PKNOX2: variants seen among roughly 807,000 people sequenced by gnomAD.
PKNOX2 encodes the protein homeobox protein PKNOX2.
Under a neutral mutation model 53.1 loss-of-function variants are expected in PKNOX2, and 14 were observed. The observed-to-expected ratio is 0.26, with a 90% CI of 0.17 to 0.41. PKNOX2 has a LOEUF of 0.41. Among genes scored for constraint, PKNOX2 ranks in the 10% least tolerant of loss-of-function variants. PKNOX2 has a pLI of 1.00. For synonymous variants in PKNOX2, 257 were observed against 242.8 expected (o/e 1.06, Z -0.54); for missense variants, 496 against 602.8 (o/e 0.82, Z 1.85).
At position 125,431,573 on chromosome 11, in the gene PKNOX2, CA is replaced by C; in HGVS notation, c.*183del. The C allele has an allele frequency of 1.4e-6, 1 of 693,688 alleles. No individual in the cohort carries two copies. The highest frequency in any genetic ancestry group is 3.0e-5 in the Admixed American group (1 of 33,696). 43.0% of individuals were successfully genotyped at this position (693,688 alleles called of 1,614,324 possible). On this transcript the variant is annotated 3_prime_UTR_variant, in exon 13 of 13. Coordinates refer to ENST00000298282, the MANE Select transcript of PKNOX2 (RefSeq NM_001382323.2). Reference sequence around the variant, plus strand: ...CTGTTCCTTCCCAACCACCGAGCTTCAATGAGGACCCCAGCCCCACTTCCCT... The same window carrying C: ...CTGTTCCTTCCCAACCACCGAGCTTCATGAGGACCCCAGCCCCACTTCCCT...
At chr11:125,409,199 T>C (rs1412985787) in intron 7 of PKNOX2, among the ~76,000 whole-genome samples, 1 of 151,982 alleles carries the variant, frequency 6.6e-6, no homozygotes, top group Non-Finnish European at 1.5e-5. Context: ...CCTCACAAAT[T>C]CTCTCCAAGC....
At chr11:125,351,135 G>C in intron 3 of PKNOX2, 149 bp from the exon 4 acceptor site, 1 of 668,854 alleles carries the variant, frequency 1.5e-6, no homozygotes. Flanking sequence ...CTCTTCCTTA[G>C]CTCTCATTTG....
intron 1 of PKNOX2, among the ~76,000 whole-genome samples, chr11:125,183,806 T>C (rs917223589): frequency 3.5e-4 from 53 of 152,188 alleles, no homozygotes; most frequent in Admixed American, 3.5e-3. Context: ...GCTGAGGGCA[T>C]CAGCAGATTT....
At chr11:125,198,890 G>T (rs184100645) in intron 1 of PKNOX2, among the ~76,000 whole-genome samples, 146 of 149,930 alleles carry the variant, frequency 9.7e-4, no homozygotes, top group African/African-American at 3.4e-3. Context: ...TCCTAGGCTG[G>T]AGTGTGGTGG....
At chr11:125,394,618 A>G (rs1157506852) in intron 6 of PKNOX2, among the ~76,000 whole-genome samples, 3 of 152,210 alleles carry the variant, frequency 2.0e-5, no homozygotes, top group Non-Finnish European at 4.4e-5. Context: ...CACACCTCAC[A>G]GTCACAATTC....
At chr11:125,308,522 C>T (rs1280635762) in intron 2 of PKNOX2, among the ~76,000 whole-genome samples, 2 of 152,318 alleles carry the variant, frequency 1.3e-5, no homozygotes, top group Middle Eastern at 3.4e-3. Context: ...AGCAGCTCCC[C>T]GGAATGCAGG....
At chr11:125,229,749 A>G (rs1050778444) in intron 1 of PKNOX2, among the ~76,000 whole-genome samples, 6 of 152,108 alleles carry the variant, frequency 3.9e-5, no homozygotes, top group Admixed American at 2.0e-4. Context: ...TTGGTGTTTT[A>G]GCACTACAGA....
At chr11:125,316,770 G>T (rs922596919) in intron 2 of PKNOX2, among the ~76,000 whole-genome samples, 27 of 152,218 alleles carry the variant, frequency 1.8e-4, no homozygotes, top group African/African-American at 6.0e-4. Context: ...TTGCCTCAGT[G>T]TTGATGGCTG....
At chr11:125,185,040 A>G (rs1956364541) in intron 1 of PKNOX2, among the ~76,000 whole-genome samples, 1 of 152,180 alleles carries the variant, frequency 6.6e-6, no homozygotes, top group Admixed American at 6.5e-5. Context: ...CACATAATAG[A>G]TGCTCAATAA....
intron 1 of PKNOX2, among the ~76,000 whole-genome samples, chr11:125,230,091 G>C (rs953953834): frequency 6.6e-6 from 1 of 152,224 alleles, no homozygotes; most frequent in East Asian, 1.9e-4. Context: ...GGGTGTCACA[G>C]AGGAAGCCTT....
chr11:125,257,679 A>G (rs1207232725), intron 2 of PKNOX2, among the ~76,000 whole-genome samples: 1 of 152,228 alleles, frequency 6.6e-6, no homozygotes, highest in Non-Finnish European at 1.5e-5. Flanking sequence ...GTTTTAGAAC[A>G]GTGTCCACCA....
chr11:125,191,638 G>A (rs1291731640), intron 1 of PKNOX2, among the ~76,000 whole-genome samples: 1 of 152,134 alleles, frequency 6.6e-6, no homozygotes, highest in African/African-American at 2.4e-5. Flanking sequence ...GGGAAGTTGT[G>A]GTGGGGCGTG....
chr11:125,278,610 C>T (rs1306420069), intron 2 of PKNOX2, among the ~76,000 whole-genome samples: 1 of 151,750 alleles, frequency 6.6e-6, no homozygotes, highest in Non-Finnish European at 1.5e-5. Context: ...AGATGTGGTG[C>T]CTTCAGTTGA....
chr11:125,373,310 G>C (rs1952651603), intron 5 of PKNOX2, among the ~76,000 whole-genome samples: 1 of 152,186 alleles, frequency 6.6e-6, no homozygotes, highest in Non-Finnish European at 1.5e-5. Flanking sequence ...TTTAAACAGA[G>C]GAGCCAGCAT....
intron 2 of PKNOX2, among the ~76,000 whole-genome samples, chr11:125,308,251 C>T (rs1452271388): frequency 6.6e-6 from 1 of 152,206 alleles, no homozygotes; most frequent in Admixed American, 6.5e-5. Context: ...TGGGTAGCTC[C>T]TTGGCTTATG....
At chr11:125,400,031 A>G (rs1954642406) in intron 7 of PKNOX2, among the ~76,000 whole-genome samples, 1 of 152,232 alleles carries the variant, frequency 6.6e-6, no homozygotes, top group African/African-American at 2.4e-5. Flanking sequence ...GCTTTGAGGA[A>G]AGACAGAAGA....
intron 2 of PKNOX2, among the ~76,000 whole-genome samples, chr11:125,286,631 C>T (rs528332640): frequency 1.2e-3 from 189 of 152,328 alleles, no homozygotes; most frequent in South Asian, 5.4e-3. Context: ...TGTCGCCTGC[C>T]GGGCCCTCCT....
chr11:125,393,540 G>A (rs1954209385), intron 6 of PKNOX2, among the ~76,000 whole-genome samples: 1 of 152,134 alleles, frequency 6.6e-6, no homozygotes, highest in South Asian at 2.1e-4. Flanking sequence ...AGGTCACCGT[G>A]TGGGGTTCAT....
chr11:125,279,185 G>C (rs183660488), intron 2 of PKNOX2, among the ~76,000 whole-genome samples: 2 of 152,326 alleles, frequency 1.3e-5, no homozygotes, highest in East Asian at 3.9e-4. Context: ...GGGCATGCCT[G>C]TGTGGCAACA....
Sources: gnomAD v4.1 joint callset for allele counts (sites outside exome capture counted in the v4.1 genomes callset) on GRCh38, gnomAD v4.1.1 for gene constraint, MANE v1.5 for transcripts, NCBI Gene and HGNC (gene_info 2026-07-23, HGNC 2026-07-21) for gene names.